The following LRP1B variants were observed in gnomAD, a reference collection of about 807,000 sequenced individuals.
LRP1B encodes the protein LDL receptor related protein 1B, also known as low-density lipoprotein receptor-related protein 1B.
Under a neutral mutation model 556.6 loss-of-function variants are expected in LRP1B, and 217 were observed. That is an observed-to-expected ratio of 0.39 (90% CI 0.35 to 0.44). The LOEUF (loss-of-function observed/expected upper bound fraction) is 0.44, where lower values mean the gene tolerates loss of function less well. Among genes scored for constraint, LRP1B ranks in the 20% least tolerant of loss-of-function variants. The pLI is 1.00. For synonymous variants in LRP1B, 2,047 were observed against 1,865.8 expected, an observed-to-expected ratio of 1.10 and a Z score of -2.50; for missense variants, 5,053 against 5,620.8, an observed-to-expected ratio of 0.90 and a Z score of 3.23.
chr2:141,949,261 G>A (rs1446505901), intron 1 of LRP1B, among the ~76,000 whole-genome samples: 1 of 152,076 alleles, frequency 6.6e-6, no homozygotes, highest in Non-Finnish European at 1.5e-5. Flanking sequence ...CCTAAAATTT[G>A]TTTTATACCA....
In LRP1B at chr2:141,931,825, T is replaced by C. The variant is rs566458281; in HGVS notation, c.83-121424A>G. On this transcript the variant is annotated intron_variant, in intron 1 of 90. Transcript: ENST00000389484. ...GCGTGGGATTTTGAAAGGAACTTCA[T>C]GAAGATTAGTATGGAAACGGCACAG... 6.6e-5 allele frequency among the ~76,000 whole-genome samples: 10 copies of C among 152,138 alleles called. 1 individual carries two copies. In the East Asian group the frequency reaches 1.9e-3, roughly 29 times the overall value.
chr2:140,414,790 G>T (rs1685112700), intron 66 of LRP1B, among the ~76,000 whole-genome samples: 1 of 152,128 alleles, frequency 6.6e-6, no homozygotes, highest in Non-Finnish European at 1.5e-5. Flanking sequence ...TATGAAATCA[G>T]TGCACCTTGA....
Position 141,010,640 on chromosome 2 carries a change from G to A in LRP1B, c.2380+2916C>T, listed in dbSNP as rs111759753. Among the ~76,000 whole-genome samples the A allele has an allele frequency of 2.8e-3, 422 of 151,678 alleles. 3 individuals carry two copies. Among genetic ancestry groups the A allele is most frequent in the African/African-American group, 8.7e-3 (361 of 41,380 alleles). On this transcript the variant is annotated intron_variant, in intron 14 of 90. Transcript: ENST00000389484. ...AGTGATTCTCCTGCCTCAGCCTCCC[G>A]AGTAGCTAGGATTACAGTCTCCTGC...
chr2:141,959,392 T>C (rs1407528710), intron 1 of LRP1B, among the ~76,000 whole-genome samples: 1 of 151,980 alleles, frequency 6.6e-6, no homozygotes, highest in Non-Finnish European at 1.5e-5. Flanking sequence ...GAGCTTTGCT[T>C]CCACAACTAC....
chr2:141,020,453 T>C (rs1466908636), intron 11 of LRP1B, among the ~76,000 whole-genome samples: 1 of 152,044 alleles, frequency 6.6e-6, no homozygotes, highest in African/African-American at 2.4e-5. Flanking sequence ...AGCTTGAATA[T>C]AAGTGACAAA....
intron 3 of LRP1B, among the ~76,000 whole-genome samples, chr2:141,318,964 T>G (rs539457326): frequency 7.2e-4 from 110 of 152,138 alleles, no homozygotes; most frequent in African/African-American, 2.5e-3. Flanking sequence ...TACTATAGCC[T>G]TCTTCATAAT....
chr2:141,085,566 G>C (rs775123143), intron 7 of LRP1B, among the ~76,000 whole-genome samples: 3 of 152,090 alleles, frequency 2.0e-5, no homozygotes, highest in Non-Finnish European at 4.4e-5. Flanking sequence ...GAAAGAGAGA[G>C]GCCTCAAGAA....
At chr2:140,964,500 C>T (rs28821564) in intron 18 of LRP1B, among the ~76,000 whole-genome samples, 2 of 151,698 alleles carry the variant, frequency 1.3e-5, no homozygotes, top group African/African-American at 2.4e-5. Flanking sequence ...TGGTGACGGG[C>T]GTCTTCCCAG....
chr2:141,114,515 T>C (rs137929594), intron 7 of LRP1B, among the ~76,000 whole-genome samples: 2 of 152,152 alleles, frequency 1.3e-5, no homozygotes, highest in Admixed American at 1.3e-4. Flanking sequence ...CTCCTGACTG[T>C]CTGTAGCAAA....
chr2:140,858,763 T>C (rs528566031), intron 27 of LRP1B, among the ~76,000 whole-genome samples: 5 of 152,134 alleles, frequency 3.3e-5, no homozygotes, highest in South Asian at 2.1e-4. Flanking sequence ...GGCCCCAGTG[T>C]GTGTTGTTCC....
At chr2:141,105,236 A>G (rs1203404984) in intron 7 of LRP1B, among the ~76,000 whole-genome samples, 3 of 152,144 alleles carry the variant, frequency 2.0e-5, no homozygotes, top group Non-Finnish European at 4.4e-5. Context: ...AGACCTCTTC[A>G]AATTATATGG....
At chr2:141,211,316 A>AAAC (rs1682540279) in intron 6 of LRP1B, among the ~76,000 whole-genome samples, 1 of 151,240 alleles carries the variant, frequency 6.6e-6, no homozygotes, top group African/African-American at 2.4e-5. Flanking sequence ...AAAAAAAAAA[A>AAAC]CAAAACAAAA....
Position 142,045,695 on chromosome 2 carries a change from TTCTC to T in LRP1B, c.82+84949_82+84952del, listed in dbSNP as rs1047180657. ...TAATACATACTTTGTTTGCTATACA[TTCTC>T]TCTATCTTTTAAAGAACCATGCAAA... On this transcript the variant is annotated intron_variant, in intron 1 of 90. Coordinates refer to ENST00000389484, the MANE Select transcript of LRP1B (RefSeq NM_018557.3). 1.0e-3 allele frequency among the ~76,000 whole-genome samples: 153 copies of T among 152,044 alleles called. 1 individual carries two copies. Among genetic ancestry groups the T allele is most frequent in the African/African-American group, 3.4e-3 (142 of 41,536 alleles).
rs528649164 is a variant in LRP1B at position 140,509,953 on chromosome 2, G to A, written c.8373C>T (p.Ser2791=). The part of the protein sequence containing the change: ...CDGERDCPDG[S]DELSTAGCAP... ...CGCAGCCTGCTGTGGAAAGCTCATCGCTTCCATCTGGACAGTCCCTTTCAC... is the reference window on the plus strand; with the variant it reads ...CGCAGCCTGCTGTGGAAAGCTCATCACTTCCATCTGGACAGTCCCTTTCAC... The change falls in exon 52 of 91, where the codon AGC becomes AGT. Residue 2791 remains serine, a synonymous_variant. Transcript: ENST00000389484. 25 of 1,613,836 alleles carry A rather than the reference G, an allele frequency of 1.5e-5. No individual in the cohort carries two copies. The East Asian group carries it at 3.3e-4, about 22-fold the overall frequency.
At chr2:141,442,163 G>A (rs1681001752) in intron 3 of LRP1B, among the ~76,000 whole-genome samples, 1 of 152,024 alleles carries the variant, frequency 6.6e-6, no homozygotes, top group South Asian at 2.1e-4. Flanking sequence ...ACAAAATAGA[G>A]AATGAGTAGC....
Position 142,012,553 on chromosome 2 carries a change from T to C in LRP1B, c.82+118095A>G, listed in dbSNP as rs184370960. On this transcript the variant is annotated intron_variant, in intron 1 of 90. Transcript: ENST00000389484. The stretch of plus-strand genomic sequence containing the variant: ...ATAAGTGCTGCCTGTTTCAGCACCA[T>C]AAGTTAGCAGAAAAGAAAACTGATG... Among the ~76,000 whole-genome samples the C allele has an allele frequency of 6.2e-4, 95 of 152,216 alleles. No homozygotes were observed. The East Asian group carries it at 0.013, about 21-fold the overall frequency.
At chr2:141,260,246 T>C (rs1684634069) in intron 3 of LRP1B, among the ~76,000 whole-genome samples, 1 of 152,190 alleles carries the variant, frequency 6.6e-6, no homozygotes, top group African/African-American at 2.4e-5. Flanking sequence ...AATATCACCC[T>C]CGGAAGCAAT....
intron 7 of LRP1B, among the ~76,000 whole-genome samples, chr2:141,117,164 G>C (rs1366810120): frequency 6.6e-6 from 1 of 150,414 alleles, no homozygotes; most frequent in Admixed American, 6.6e-5. Context: ...TAACTGAAGT[G>C]ATTTCTTCTA....
intron 3 of LRP1B, among the ~76,000 whole-genome samples, chr2:141,309,150 C>G (rs1030032920): frequency 3.3e-5 from 5 of 152,144 alleles, no homozygotes; most frequent in Non-Finnish European, 7.4e-5. Flanking sequence ...TTTTCATTGC[C>G]TCTGCCTTGT....
Sources: gnomAD v4.1 joint callset for allele counts (sites outside exome capture counted in the v4.1 genomes callset) on GRCh38, gnomAD v4.1.1 for gene constraint, MANE v1.5 for transcripts, NCBI Gene and HGNC (gene_info 2026-07-23, HGNC 2026-07-21) for gene names.